GARS1: variants seen among roughly 807,000 people sequenced by gnomAD.
The protein encoded by GARS1 is glycyl-tRNA synthetase 1.
A neutral mutation model predicts 86.4 loss-of-function variants in GARS1; 46 were observed. The ratio of observed to expected loss-of-function variants is 0.53; its 90% CI spans 0.42 to 0.68. GARS1 has a LOEUF of 0.68. Among genes scored for constraint, GARS1 ranks in the 30% least tolerant of loss-of-function variants. The pLI, the probability that GARS1 is intolerant of heterozygous loss-of-function variation, is 0.00. For synonymous variants in GARS1, 342 were observed against 329.8 expected (o/e 1.04, Z -0.40); for missense variants, 797 against 915.6 (o/e 0.87, Z 1.67).
intron 13 of GARS1, among the ~76,000 whole-genome samples, chr7:30,626,800 G>A (rs112298581): frequency 0.022 from 3,305 of 152,268 alleles, 45 homozygotes; most frequent in Non-Finnish European, 0.032. Context: ...GGCCAACATG[G>A]TGAAACCCCG....
intron 1 of GARS1, among the ~76,000 whole-genome samples, chr7:30,596,245 C>T (rs1439535376): frequency 1.3e-5 from 2 of 152,226 alleles, no homozygotes; most frequent in African/African-American, 4.8e-5. Flanking sequence ...ACTTTGCCAT[C>T]TGTCCTCTTC....
chr7:30,612,512 TC>T (rs1396604978), intron 8 of GARS1, among the ~76,000 whole-genome samples: 1 of 151,432 alleles, frequency 6.6e-6, no homozygotes, highest in Non-Finnish European at 1.5e-5. Context: ...ATTACCTTTT[TC>T]CTTGTTCATC....
Position 30,632,908 on chromosome 7 carries a change from A to G in GARS1, c.2094+471A>G, listed in dbSNP as rs565788722. Among the ~76,000 whole-genome samples the G allele has an allele frequency of 5.4e-4, 83 of 152,338 alleles. 1 individual carries two copies. Among genetic ancestry groups the G allele is most frequent in the Non-Finnish European group, 1.0e-3 (68 of 68,026 alleles). ...AGGCAGTAATGGAGATGGTAGAAGC[A>G]CAGAAGGAGAAGGATGAGTGGTAAG... is the stretch of plus-strand genomic sequence containing the variant. On this transcript the variant is annotated intron_variant, in intron 16 of 16. Transcript: ENST00000389266. The surrounding 1 kb of genome is among the most constrained non-coding windows in gnomAD (Gnocchi z 4.1).
At chr7:30,614,463 T>C (rs1227421238) in intron 8 of GARS1, among the ~76,000 whole-genome samples, 1 of 152,220 alleles carries the variant, frequency 6.6e-6, no homozygotes, top group East Asian at 1.9e-4. Context: ...ACAAACACCA[T>C]GTTTGTTTCT....
At chr7:30,596,578 C>T (rs755659990) in intron 1 of GARS1, among the ~76,000 whole-genome samples, 1 of 152,136 alleles carries the variant, frequency 6.6e-6, no homozygotes, top group Non-Finnish European at 1.5e-5. Context: ...AAGACAGGAT[C>T]TAGTTAACTA....
intron 10 of GARS1, among the ~76,000 whole-genome samples, chr7:30,620,370 A>G (rs1050420941): frequency 5.9e-5 from 9 of 152,138 alleles, no homozygotes; most frequent in African/African-American, 4.8e-5. Context: ...TGAGGGCCCC[A>G]TTCTCAGTCG....
chr7:30,614,745 G>A (rs939274579), intron 8 of GARS1, among the ~76,000 whole-genome samples: 4 of 151,736 alleles, frequency 2.6e-5, no homozygotes, highest in Admixed American at 1.3e-4. Flanking sequence ...GCGTGGTGGC[G>A]GGCGCCTGTA....
chr7:30,627,420 C>G (rs904599101), intron 13 of GARS1, among the ~76,000 whole-genome samples: 6 of 152,170 alleles, frequency 3.9e-5, no homozygotes, highest in Admixed American at 1.3e-4. Context: ...AGTATTAACT[C>G]TTTATCATAG....
chr7:30,611,586 G>A (rs1416715524), intron 7 of GARS1, among the ~76,000 whole-genome samples: 1 of 152,202 alleles, frequency 6.6e-6, no homozygotes, highest in Admixed American at 6.5e-5. Context: ...CCAGGTTCAA[G>A]CGATTCTCTT....
rs1179992220 is a variant in GARS1 at position 30,604,815 on chromosome 7, C to G, written c.735+1243C>G. Among the ~76,000 whole-genome samples, 3 of 152,308 alleles carry G rather than the reference C, an allele frequency of 2.0e-5. No homozygotes were observed. The East Asian group carries it at 5.8e-4, about 29-fold the overall frequency. On this transcript the variant is annotated intron_variant, in intron 6 of 16. Coordinates refer to ENST00000389266, the MANE Select transcript of GARS1 (RefSeq NM_002047.4). ...TTATTAGAAAAAATGGAAAATGCCTCTAAGTATCCCTAAAATTTTCCATTC... is the reference window on the plus strand; with the variant it reads ...TTATTAGAAAAAATGGAAAATGCCTGTAAGTATCCCTAAAATTTTCCATTC...
At chr7:30,611,405 A>G (rs1562775821) in intron 7 of GARS1, among the ~76,000 whole-genome samples, 2 of 152,224 alleles carry the variant, frequency 1.3e-5, no homozygotes, top group Non-Finnish European at 2.9e-5. Flanking sequence ...CAAAGGACCT[A>G]AGATTGTCAT....
At chr7:30,601,316 G>C in intron 4 of GARS1, 116 bp downstream of exon 4, 1 of 920,360 alleles carries the variant, frequency 1.1e-6, no homozygotes, top group South Asian at 1.8e-5. Context: ...ATTTCATGTA[G>C]AAAATCTGAA....
chr7:30,617,040 C>G, intron 9 of GARS1, 74 bp from the exon 10 acceptor site: 2 of 1,476,464 alleles, frequency 1.4e-6, no homozygotes, highest in African/African-American at 1.4e-5. Context: ...CAATGGAAAC[C>G]GATATCTTGG....
At position 30,628,519 on chromosome 7, in the gene GARS1, G is replaced by T. The variant is rs376310276; in HGVS notation, c.1700-41G>T. On this transcript the variant is annotated intron_variant, in intron 13 of 16. Transcript: ENST00000389266. The stretch of plus-strand genomic sequence containing the variant: ...GAGAGAATCTGAAATGCATTATGTG[G>T]TATTTGAGAGAATGTTATTGAATTT... 34 of 1,357,448 alleles carry T rather than the reference G, an allele frequency of 2.5e-5. No homozygotes were observed. The African/African-American group carries it at 4.4e-4, about 18-fold the overall frequency. 84.1% of individuals were successfully genotyped at this position (1,357,448 alleles called of 1,614,324 possible).
Position 30,622,376 on chromosome 7 carries a change from G to A in GARS1, c.1527G>A (p.Lys509=). 6.2e-7 allele frequency: 1 copy of A among 1,614,132 alleles called. No homozygotes were observed. The highest frequency in any genetic ancestry group is 2.2e-5 in the East Asian group (1 of 44,864). The change falls in exon 12 of 17, where the codon AAG becomes AAA. Residue 509 remains lysine, a synonymous_variant. Transcript: ENST00000389266. ...AGGGAGCAATTGGTAAGGCATATAA[G>A]AAGGATGCAAAACTGGTGATGGAGT... ...PSKGAIGKAY[K]KDAKLVMEYL...
intron 6 of GARS1, among the ~76,000 whole-genome samples, chr7:30,606,062 T>C (rs1164939243): frequency 6.6e-6 from 1 of 152,204 alleles, no homozygotes; most frequent in Non-Finnish European, 1.5e-5. Flanking sequence ...TTTTCTACTG[T>C]CTGGATTTGG....
intron 6 of GARS1, among the ~76,000 whole-genome samples, chr7:30,605,954 A>C (rs1039636357): frequency 6.6e-6 from 1 of 152,106 alleles, no homozygotes; most frequent in Non-Finnish European, 1.5e-5. Context: ...TGTTTCTTAT[A>C]TCTCTTCCAA....
Position 30,632,399 on chromosome 7 carries a change from C to G in GARS1, c.2056C>G (p.Leu686Val). 3.7e-6 allele frequency: 6 copies of G among 1,614,158 alleles called. No homozygotes were observed. Among genetic ancestry groups the G allele is most frequent in the Non-Finnish European group, 5.1e-6 (6 of 1,180,014 alleles). Residue 686 changes from leucine to valine, a missense_variant, in exon 16 of 17, where the codon CTG becomes GTG. Transcript: ENST00000389266. The surrounding 1 kb of genome is among the most constrained non-coding windows in gnomAD (Gnocchi z 4.1). The part of the protein sequence containing the change: ...TVNKTPHTAT[L>V]RDRDSMRQIR... ...GAACAAGACCCCCCACACTGCAACT[C>G]TGAGGGACCGTGACTCAATGCGGCA...
chr7:30,618,505 G>A (rs1782933189), intron 10 of GARS1, among the ~76,000 whole-genome samples: 1 of 152,030 alleles, frequency 6.6e-6, no homozygotes. Context: ...GTGATAGCAC[G>A]CCCCTGTAGT....
Sources: allele counts gnomAD v4.1 joint callset (sites outside exome capture counted in the v4.1 genomes callset), GRCh38; gene constraint gnomAD v4.1.1; non-coding constraint Gnocchi (gnomAD v3.1); transcripts MANE v1.5; gene names NCBI Gene and HGNC (gene_info 2026-07-23, HGNC 2026-07-21).